AGAP3: variants seen among roughly 807,000 people sequenced by gnomAD.
AGAP3 encodes ArfGAP with GTPase domain, ankyrin repeat and PH domain 3, also known as arf-GAP with GTPase, ANK repeat and PH domain-containing protein 3.
AGAP3 carries 24 observed loss-of-function variants against 96.9 expected under a neutral mutation model. The ratio of observed to expected loss-of-function variants is 0.25; its 90% CI spans 0.18 to 0.35. AGAP3 has a LOEUF of 0.35. Ranked by LOEUF, AGAP3 falls within the 10% of genes least tolerant of loss-of-function variation. The probability of loss-of-function intolerance (pLI) is 1.00; values close to 1 mark genes in which losing one functional copy is unlikely to be tolerated. For missense variants in AGAP3, 876 were observed against 1,254.2 expected, an observed-to-expected ratio of 0.70 and a Z score of 4.55; for synonymous variants, 563 against 536.1, an observed-to-expected ratio of 1.05 and a Z score of -0.69.
rs1270349577 is a variant in AGAP3 at position 151,133,928 on chromosome 7, A to G, written c.1327-472A>G. Among the ~76,000 whole-genome samples the G allele has an allele frequency of 2.0e-5, 3 of 152,164 alleles. No homozygotes were observed. The highest frequency in any genetic ancestry group is 1.3e-4 in the Admixed American group (2 of 15,272). ...GTTTGACAAGTGTTTATTATCAGAC[A>G]CTGTCCTAAGGGCTGGGACTATTCT... On this transcript the variant is annotated intron_variant, in intron 10 of 17. Transcript: ENST00000397238. The surrounding 1 kb of genome is among the most constrained non-coding windows in gnomAD (Gnocchi z 5.4).
chr7:151,144,209 GAGC>G lies in AGAP3; in HGVS notation c.*269_*271del. 1 of 481,544 alleles carries G rather than the reference GAGC, an allele frequency of 2.1e-6. No homozygotes were observed. The highest frequency in any genetic ancestry group is 3.7e-6 in the Non-Finnish European group (1 of 269,794). 29.8% of individuals were successfully genotyped at this position (481,544 alleles called of 1,614,324 possible). On this transcript the variant is annotated 3_prime_UTR_variant, in exon 18 of 18. Transcript: ENST00000397238. ...TTCGGAGGTGCCTGTGAGGAGAGGG[GAGC>G]AGGACCTCTCCCTCCTCCAGATCCC...
chr7:151,113,344 C>T (rs1799382773), intron 1 of AGAP3, among the ~76,000 whole-genome samples: 1 of 152,192 alleles, frequency 6.6e-6, no homozygotes, highest in Admixed American at 6.5e-5. Context: ...ACTAGTCCCA[C>T]GGAAATACAA....
intron 7 of AGAP3, among the ~76,000 whole-genome samples, chr7:151,119,667 C>G (rs1799773109): frequency 6.6e-6 from 1 of 152,254 alleles, no homozygotes; most frequent in Non-Finnish European, 1.5e-5. Flanking sequence ...AGTCTGTTCA[C>G]TGCCAGGCCC....
chr7:151,100,643 G>A (rs191088323), intron 1 of AGAP3, among the ~76,000 whole-genome samples: 2 of 152,234 alleles, frequency 1.3e-5, no homozygotes, highest in Admixed American at 1.3e-4. Context: ...ACCAGCATAG[G>A]CAACACAGTG....
rs200498979 is a variant in AGAP3 at position 151,143,876 on chromosome 7, C to G, written c.2669C>G (p.Pro890Arg). 3.3e-5 allele frequency: 53 copies of G among 1,613,862 alleles called. No individual in the cohort carries two copies. The highest frequency in any genetic ancestry group is 4.4e-5 in the Non-Finnish European group (52 of 1,180,024). ...GAGGGCTGTGGCTTAGCGCCTACCC[C>G]CAACAGAGAGCCTGCCAATGGCACC... ...PGEGCGLAPTPNREPANGTNP... is the reference protein window; with the variant it reads ...PGEGCGLAPTRNREPANGTNP... Residue 890 changes from proline to arginine, a missense_variant, in exon 18 of 18, where the codon CCC (proline) becomes CGC (arginine). Physicochemically the swap from Pro to Arg is moderately radical, Grantham distance 103. Transcript: ENST00000397238. The surrounding 1 kb of genome is among the most constrained non-coding windows in gnomAD (Gnocchi z 5.9).
intron 1 of AGAP3, among the ~76,000 whole-genome samples, chr7:151,102,382 G>A (rs1479228725): frequency 1.3e-5 from 2 of 152,144 alleles, no homozygotes; most frequent in Non-Finnish European, 2.9e-5. Context: ...TGTTTGTGCT[G>A]CAAATGTCAC....
In AGAP3 at chr7:151,142,151, G is replaced by A. The variant is rs778089492; in HGVS notation, c.1960-12G>A. ...AACCGCCCCTTGTCTTGTCTCTCCT[G>A]CTGTGCGACAGACTCGACTGGGGAA... On this transcript the variant is annotated splice_polypyrimidine_tract_variant and intron_variant, in intron 14 of 17. Coordinates refer to ENST00000397238, the MANE Select transcript of AGAP3 (RefSeq NM_031946.7). The surrounding 1 kb of genome is among the most constrained non-coding windows in gnomAD (Gnocchi z 7.5). The A allele has an allele frequency of 9.9e-6, 16 of 1,613,442 alleles. No homozygotes were observed. The East Asian group carries it at 3.1e-4, about 31-fold the overall frequency.
chr7:151,124,904 C>G (rs975337173), intron 9 of AGAP3, among the ~76,000 whole-genome samples: 7 of 152,226 alleles, frequency 4.6e-5, no homozygotes. Context: ...CCACTCACCC[C>G]TCTCTTGAAA....
At chr7:151,132,603 G>A (rs978016440) in intron 10 of AGAP3, among the ~76,000 whole-genome samples, 9 of 152,192 alleles carry the variant, frequency 5.9e-5, no homozygotes, top group East Asian at 1.9e-4. Context: ...CTGCAGGCTC[G>A]GCGAGACCCA....
rs970346960 is a variant in AGAP3, at chr7:151,114,611, T to C, written c.332-2182T>C. On this transcript the variant is annotated intron_variant, in intron 1 of 17. Transcript: ENST00000397238. This position sits in a 1 kb window ranked among gnomAD's most constrained non-coding sequence, Gnocchi z 4.4. The stretch of plus-strand genomic sequence containing the variant: ...TGGGCTGACTCCCGGCCTCTCCAGG[T>C]CTGGGCTTGCCGGCCGCGAGGTGGA... The C allele has an allele frequency of 9.5e-5, 64 of 671,370 alleles. No homozygotes were observed. In the African/African-American group the frequency reaches 1.2e-3, roughly 13 times the overall value. The allele number at this position is 671,370 out of a possible 1,614,324, so 41.6% of individuals were successfully genotyped here.
At chr7:151,126,368 A>G (rs1170216550) in intron 9 of AGAP3, among the ~76,000 whole-genome samples, 3 of 149,188 alleles carry the variant, frequency 2.0e-5, no homozygotes, top group Non-Finnish European at 4.5e-5. Flanking sequence ...AGCAGAGCAG[A>G]GCGGAGCGGG....
chr7:151,124,474 A>G (rs978004494), intron 9 of AGAP3, among the ~76,000 whole-genome samples: 2 of 152,200 alleles, frequency 1.3e-5, no homozygotes, highest in Non-Finnish European at 2.9e-5. Flanking sequence ...GTGTTGAGCC[A>G]GAGCAGCTGG....
At chr7:151,098,120 AG>A (rs1221701001) in intron 1 of AGAP3, among the ~76,000 whole-genome samples, 1 of 152,202 alleles carries the variant, frequency 6.6e-6, no homozygotes, top group East Asian at 1.9e-4. Flanking sequence ...GCACTTTGGG[AG>A]GCCGAGGCAG....
intron 1 of AGAP3, among the ~76,000 whole-genome samples, chr7:151,102,523 G>A (rs1051052220): frequency 4.0e-5 from 6 of 149,918 alleles, no homozygotes; most frequent in African/African-American, 1.2e-4. Flanking sequence ...ACTTTGAGAA[G>A]CCAAGGCAGG....
At chr7:151,122,571 C>T (rs1013846694) in intron 8 of AGAP3, among the ~76,000 whole-genome samples, 2 of 151,098 alleles carry the variant, frequency 1.3e-5, no homozygotes, top group Non-Finnish European at 2.9e-5. Flanking sequence ...TTGTCCTTCT[C>T]CTCTTCCTCG....
At chr7:151,113,309 G>A (rs145120321) in intron 1 of AGAP3, among the ~76,000 whole-genome samples, 53 of 152,318 alleles carry the variant, frequency 3.5e-4, no homozygotes, top group Non-Finnish European at 6.6e-4. Flanking sequence ...CATACAGGAA[G>A]AAGCCGTCTT....
chr7:151,118,834 C>G lies in AGAP3; in HGVS notation c.969+202C>G, dbSNP rs772911671. Among the ~76,000 whole-genome samples, 5 of 152,202 alleles carry G rather than the reference C, an allele frequency of 3.3e-5. No homozygotes were observed. Among genetic ancestry groups the G allele is most frequent in the Non-Finnish European group, 5.9e-5 (4 of 68,038 alleles). On this transcript the variant is annotated intron_variant, in intron 7 of 17. Coordinates refer to ENST00000397238, the MANE Select transcript of AGAP3 (RefSeq NM_031946.7). The surrounding 1 kb of genome is among the most constrained non-coding windows in gnomAD (Gnocchi z 6.1). ...TGGCCTCATCCCTGCCCCACGGTGCCTGCCCCTTCCCGCTGCAATCCCCAC... is the reference window on the plus strand; with the variant it reads ...TGGCCTCATCCCTGCCCCACGGTGCGTGCCCCTTCCCGCTGCAATCCCCAC...
chr7:151,142,616 C>A lies in AGAP3; in HGVS notation c.2255C>A (p.Pro752Gln). 3 of 1,612,764 alleles carry A rather than the reference C, an allele frequency of 1.9e-6. No individual in the cohort carries two copies. The highest frequency in any genetic ancestry group is 2.5e-6 in the Non-Finnish European group (3 of 1,179,994). ...WEGALGGYSK[P>Q]GPDACREEKE... is the part of the protein sequence containing the mutation. Reference sequence around the variant, plus strand: ...GGGGCCTTGGGTGGCTACTCCAAGCCAGGGCCTGATGCCTGCAGGTGAGCA... The same window carrying A: ...GGGGCCTTGGGTGGCTACTCCAAGCAAGGGCCTGATGCCTGCAGGTGAGCA... The change falls in exon 16 of 18, where the codon CCA becomes CAA. Residue 752 changes from proline (P) to glutamine (Q), a missense_variant. Coordinates refer to ENST00000397238, the MANE Select transcript of AGAP3 (RefSeq NM_031946.7). This position sits in a 1 kb window ranked among gnomAD's most constrained non-coding sequence, Gnocchi z 7.5.
chr7:151,118,010 C>A lies in AGAP3; in HGVS notation c.707-200C>A. 1.1e-6 allele frequency: 1 copy of A among 891,090 alleles called. No homozygotes were observed. Among genetic ancestry groups the A allele is most frequent in the Non-Finnish European group, 1.7e-6 (1 of 595,230 alleles). The allele number at this position is 891,090 out of a possible 1,614,324, so 55.2% of individuals were successfully genotyped here. On this transcript the variant is annotated intron_variant, in intron 5 of 17. Transcript: ENST00000397238. The surrounding 1 kb of genome is among the most constrained non-coding windows in gnomAD (Gnocchi z 6.1). ...GTTTTTTTAGATGAATAAACGTGCT[C>A]AGAGCTTAAGTGCTTGCTGGTTTGC...
Sources: gnomAD v4.1 joint callset for allele counts (sites outside exome capture counted in the v4.1 genomes callset) on GRCh38, gnomAD v4.1.1 for gene constraint, Gnocchi (gnomAD v3.1) non-coding constraint, MANE v1.5 for transcripts, NCBI Gene and HGNC (gene_info 2026-07-23, HGNC 2026-07-21) for gene names.